Variants in SNX29 observed in about 807,000 individuals in gnomAD.
SNX29 encodes sorting nexin 29.
In SNX29, 78 loss-of-function variants were observed where a neutral mutation model predicts 102.1. The observed-to-expected ratio is 0.76, with a 90% CI of 0.64 to 0.92. The LOEUF is 0.92. Ranked by LOEUF, SNX29 falls within the 40% of genes least tolerant of loss-of-function variation. SNX29 has a pLI of 0.00. For missense variants in SNX29, 1,280 were observed against 1,061.7 expected (o/e 1.21, Z -2.86); for synonymous variants, 580 against 414.5 (o/e 1.40, Z -4.85).
At chr16:11,985,300 C>T (rs1567493621) in intron 1 of SNX29, among the ~76,000 whole-genome samples, 3 of 152,132 alleles carry the variant, frequency 2.0e-5, no homozygotes, top group Admixed American at 6.6e-5. Flanking sequence ...GTTGTTACCA[C>T]TGGGGTCTGT....
chr16:12,121,974 C>T (rs923550285), intron 11 of SNX29, among the ~76,000 whole-genome samples: 2 of 152,066 alleles, frequency 1.3e-5, no homozygotes, highest in Non-Finnish European at 2.9e-5. Context: ...CACCATCACG[C>T]CTGGCTAATT....
At chr16:12,484,599 T>G (rs2088135617) in intron 19 of SNX29, among the ~76,000 whole-genome samples, 1 of 151,782 alleles carries the variant, frequency 6.6e-6, no homozygotes, top group African/African-American at 2.4e-5. Flanking sequence ...CCCTCTCCAC[T>G]CAGCCACACT....
chr16:12,522,315 T>C (rs544499531), intron 19 of SNX29, among the ~76,000 whole-genome samples: 1 of 149,460 alleles, frequency 6.7e-6, no homozygotes, highest in African/African-American at 2.5e-5. Flanking sequence ...TCGCTCAGTC[T>C]GCCAGCCCTG....
chr16:12,296,022 C>T (rs1357960774), intron 15 of SNX29, among the ~76,000 whole-genome samples: 1 of 152,216 alleles, frequency 6.6e-6, no homozygotes, highest in Admixed American at 6.5e-5. Context: ...ATGTAGAAAT[C>T]ATTTTCCCTT....
intron 13 of SNX29, among the ~76,000 whole-genome samples, chr16:12,194,782 A>C (rs1038204856): frequency 6.6e-6 from 1 of 151,942 alleles, no homozygotes; most frequent in African/African-American, 2.4e-5. Flanking sequence ...ATGCACCACC[A>C]GGCCCAGCTC....
chr16:12,479,951 T>A (rs1163580321), intron 19 of SNX29, among the ~76,000 whole-genome samples: 1 of 152,172 alleles, frequency 6.6e-6, no homozygotes, highest in Non-Finnish European at 1.5e-5. Context: ...GAGTCGTGAC[T>A]TAACATTATC....
chr16:12,561,132 A>G (rs762922661), intron 20 of SNX29: 9 of 228,620 alleles, frequency 3.9e-5, no homozygotes, highest in Non-Finnish European at 6.9e-5. Flanking sequence ...CGCAGTCCTG[A>G]GGCCCAGGTG....
chr16:12,013,542 T>TATATATAGAGAGAGAGAGAGAGAGAG (rs1382498593), intron 3 of SNX29, among the ~76,000 whole-genome samples: 2 of 109,076 alleles, frequency 1.8e-5, no homozygotes, highest in African/African-American at 7.0e-5. Flanking sequence ...TATATATATA[T>TATATATAGAGAGAGAGAGAGAGAGAG]CGAGAGAGGA....
At position 12,061,592 on chromosome 16, in the gene SNX29, A is replaced by G; in HGVS notation, c.1189A>G (p.Asn397Asp). ...CTGGGCTCCGCTGAAGGTGCTGCACAATGACTCCGACATCCTCTTCCCTGT... is the reference window on the plus strand; with the variant it reads ...CTGGGCTCCGCTGAAGGTGCTGCACGATGACTCCGACATCCTCTTCCCTGT... Reference protein sequence around the residue: ...HSWAPLKVLHNDSDILFPVSG... With the variant: ...HSWAPLKVLHDDSDILFPVSG... The change falls in exon 9 of 21, where the codon AAT (asparagine) becomes GAT (aspartate). Residue 397 changes from asparagine to aspartate, a missense_variant. Transcript: ENST00000566228. 6.2e-7 allele frequency: 1 copy of G among 1,612,064 alleles called. No individual in the cohort carries two copies. The highest frequency in any genetic ancestry group is 8.5e-7 in the Non-Finnish European group (1 of 1,179,330).
intron 20 of SNX29, among the ~76,000 whole-genome samples, chr16:12,537,194 C>G (rs962068043): frequency 2.0e-5 from 3 of 152,130 alleles, no homozygotes; most frequent in South Asian, 4.1e-4. Flanking sequence ...CTGGCCAGCC[C>G]CTAAATTGCT....
At chr16:12,231,786 C>T (rs1181800525) in intron 14 of SNX29, among the ~76,000 whole-genome samples, 1 of 152,214 alleles carries the variant, frequency 6.6e-6, no homozygotes, top group Non-Finnish European at 1.5e-5. Context: ...CTCTCACCAG[C>T]ATTCATAACT....
chr16:12,387,256 C>T (rs547848393), intron 16 of SNX29, among the ~76,000 whole-genome samples: 28 of 152,276 alleles, frequency 1.8e-4, no homozygotes, highest in South Asian at 1.2e-3. Context: ...GGCAGTCCTC[C>T]TTGTTCCTCA....
chr16:12,258,775 A>ATACC (rs1395687768), intron 14 of SNX29, among the ~76,000 whole-genome samples: 1 of 152,162 alleles, frequency 6.6e-6, no homozygotes, highest in Non-Finnish European at 1.5e-5. Context: ...TTTGTGAGGT[A>ATACC]GTTCCTGAAT....
At chr16:12,557,827 C>A (rs190749203) in intron 20 of SNX29, 2 of 152,230 alleles carry the variant, frequency 1.3e-5, no homozygotes, top group South Asian at 4.1e-4. Flanking sequence ...CTGTTGTTCA[C>A]CAAAACATCA....
intron 8 of SNX29, among the ~76,000 whole-genome samples, chr16:12,055,525 C>G (rs541950912): frequency 5.3e-5 from 8 of 152,236 alleles, no homozygotes; most frequent in African/African-American, 1.7e-4. Context: ...GCCACCACGC[C>G]TGGTCTTATC....
At chr16:12,242,868 C>G (rs2078154098) in intron 14 of SNX29, among the ~76,000 whole-genome samples, 1 of 152,074 alleles carries the variant, frequency 6.6e-6, no homozygotes, top group South Asian at 2.1e-4. Flanking sequence ...TGCCACATAG[C>G]CCAGGCTGGA....
In SNX29 at chr16:12,246,341, G is replaced by GA. The variant is rs199866894; in HGVS notation, c.1679-31583dup. 1.1e-3 allele frequency among the ~76,000 whole-genome samples: 164 copies of GA among 151,024 alleles called. 1 individual carries two copies. The Middle Eastern group carries it at 0.014, about 13-fold the overall frequency. The stretch of plus-strand genomic sequence containing the variant: ...GTGCTAATGCCCTCAATGTCTGCAT[G>GA]AAAAAAAAAGAAACATTGGCCAGGC... On this transcript the variant is annotated intron_variant, in intron 14 of 20. Transcript: ENST00000566228.
At chr16:12,514,556 A>G (rs1339012718) in intron 19 of SNX29, among the ~76,000 whole-genome samples, 4 of 152,178 alleles carry the variant, frequency 2.6e-5, no homozygotes, top group Non-Finnish European at 4.4e-5. Context: ...TTCTTCTGAA[A>G]TGGGAACATG....
intron 13 of SNX29, chr16:12,135,650 T>A: frequency 7.6e-7 from 1 of 1,315,898 alleles, no homozygotes; most frequent in South Asian, 1.2e-5. Context: ...ATAGTCTCAT[T>A]TGAGCTCCTG....
Sources: gnomAD v4.1 joint callset for allele counts (sites outside exome capture counted in the v4.1 genomes callset) on GRCh38, gnomAD v4.1.1 for gene constraint, MANE v1.5 for transcripts, NCBI Gene and HGNC (gene_info 2026-07-23, HGNC 2026-07-21) for gene names.